The following ATP8A2 variants were observed in gnomAD, a reference collection of about 807,000 sequenced individuals.
ATP8A2 encodes the protein phospholipid-transporting ATPase IB.
Under a neutral mutation model 165.6 loss-of-function variants are expected in ATP8A2, and 100 were observed. The observed-to-expected ratio is 0.60, with a 90% CI of 0.51 to 0.71. ATP8A2 has a LOEUF of 0.71. Among genes scored for constraint, ATP8A2 ranks in the 30% least tolerant of loss-of-function variants. ATP8A2 has a pLI of 0.00. For missense variants in ATP8A2, 1,227 were observed against 1,479.5 expected (o/e 0.83, Z 2.80); for synonymous variants, 543 against 548.8 (o/e 0.99, Z 0.15).
At chr13:25,748,733 TA>T (rs1240229369) in intron 25 of ATP8A2, among the ~76,000 whole-genome samples, 1 of 152,176 alleles carries the variant, frequency 6.6e-6, no homozygotes, top group Non-Finnish European at 1.5e-5. Flanking sequence ...AAATGGAGAG[TA>T]AACAGCGTTG....
chr13:25,439,407 T>C (rs2034869900), intron 1 of ATP8A2, among the ~76,000 whole-genome samples: 1 of 152,218 alleles, frequency 6.6e-6, no homozygotes, highest in Admixed American at 6.5e-5. Context: ...CTCCAGACTC[T>C]ATTAGGGCAT....
intron 1 of ATP8A2, among the ~76,000 whole-genome samples, chr13:25,431,273 C>T (rs147612975): frequency 0.018 from 2,802 of 152,166 alleles, 59 homozygotes; most frequent in South Asian, 0.11. Flanking sequence ...CCCAGCCTCC[C>T]GAGTAGCTGG....
chr13:25,810,551 A>G (rs1320352727), intron 27 of ATP8A2, among the ~76,000 whole-genome samples: 2 of 151,950 alleles, frequency 1.3e-5, no homozygotes, highest in East Asian at 1.9e-4. Flanking sequence ...ACACTACTCT[A>G]TCTCCAAAAC....
At chr13:25,765,148 T>A (rs9553656) in intron 25 of ATP8A2, among the ~76,000 whole-genome samples, 3,089 of 152,324 alleles carry the variant, frequency 0.02, 117 homozygotes, top group East Asian at 0.17. Flanking sequence ...CTGATTTTTG[T>A]AAGTCTCAAA....
At chr13:25,607,302 C>T (rs139450424) in intron 24 of ATP8A2, among the ~76,000 whole-genome samples, 2 of 152,124 alleles carry the variant, frequency 1.3e-5, no homozygotes, top group Admixed American at 6.5e-5. Context: ...AAATCCAGCT[C>T]ACCACTTGTT....
At chr13:25,831,948 A>T (rs9511932) in intron 28 of ATP8A2, among the ~76,000 whole-genome samples, 6 of 150,930 alleles carry the variant, frequency 4.0e-5, no homozygotes, top group Middle Eastern at 3.4e-3. Flanking sequence ...ATTTTTTTTT[A>T]TTTTTTTTGA....
chr13:25,744,889 G>T (rs1199916509), intron 25 of ATP8A2, among the ~76,000 whole-genome samples: 3 of 152,022 alleles, frequency 2.0e-5, no homozygotes. Flanking sequence ...ACATGACTTG[G>T]GGAGTACATA....
At chr13:25,991,881 T>C (rs1457286838) in intron 35 of ATP8A2, among the ~76,000 whole-genome samples, 1 of 151,536 alleles carries the variant, frequency 6.6e-6, no homozygotes, top group Non-Finnish European at 1.5e-5. Flanking sequence ...GCTGGGTTTA[T>C]AGTAGATGCA....
intron 2 of ATP8A2, among the ~76,000 whole-genome samples, chr13:25,514,402 T>C (rs764541458): frequency 6.6e-6 from 1 of 152,190 alleles, no homozygotes; most frequent in Non-Finnish European, 1.5e-5. Context: ...TTTCTACACA[T>C]ATTTGGTAAT....
chr13:26,009,905 A>C (rs1028931325), intron 35 of ATP8A2, among the ~76,000 whole-genome samples: 9 of 152,130 alleles, frequency 5.9e-5, no homozygotes, highest in Admixed American at 5.9e-4. Context: ...ATCGCTACTA[A>C]AAATACAAAA....
intron 24 of ATP8A2, among the ~76,000 whole-genome samples, chr13:25,685,105 C>G (rs965934503): frequency 2.6e-5 from 4 of 152,190 alleles, no homozygotes; most frequent in Non-Finnish European, 4.4e-5. Flanking sequence ...CTGTCGCCCT[C>G]TGGCCTCCTC....
intron 24 of ATP8A2, among the ~76,000 whole-genome samples, chr13:25,590,326 G>A (rs1007787961): frequency 8.5e-5 from 13 of 152,182 alleles, no homozygotes; most frequent in African/African-American, 3.1e-4. Flanking sequence ...TTGGGAGGCT[G>A]AGGCTGGAGA....
intron 1 of ATP8A2, among the ~76,000 whole-genome samples, chr13:25,465,662 G>GTTTTCTTTCTTTCTTTCTTT (rs1566152862): frequency 6.1e-5 from 5 of 82,044 alleles, no homozygotes; most frequent in African/African-American, 1.8e-4. Context: ...ATCTTGCAGA[G>GTTTTCTTTCTTTCTTTCTTT]TTTTCTTTCT....
At chr13:26,012,121 C>T (rs1956861079) in intron 35 of ATP8A2, among the ~76,000 whole-genome samples, 2 of 152,178 alleles carry the variant, frequency 1.3e-5, no homozygotes, top group Non-Finnish European at 1.5e-5. Context: ...CAGAACGAAG[C>T]TGGGCTGTGG....
intron 25 of ATP8A2, among the ~76,000 whole-genome samples, chr13:25,755,150 A>G (rs1451984836): frequency 2.6e-5 from 4 of 152,218 alleles, no homozygotes; most frequent in Non-Finnish European, 4.4e-5. Flanking sequence ...ATTCTTGTGA[A>G]CAGCTGATAC....
At chr13:25,625,305 A>C (rs2041073368) in intron 24 of ATP8A2, among the ~76,000 whole-genome samples, 1 of 152,224 alleles carries the variant, frequency 6.6e-6, no homozygotes, top group Non-Finnish European at 1.5e-5. Flanking sequence ...TGAAAGCATT[A>C]AGCATTTAGA....
intron 18 of ATP8A2, 116 bp from the exon 19 acceptor site, chr13:25,574,692 T>C: frequency 1.4e-6 from 1 of 739,206 alleles, no homozygotes; most frequent in Non-Finnish European, 2.5e-6. Context: ...TGCAAAGGGC[T>C]AGAAGGTGGG....
intron 33 of ATP8A2, among the ~76,000 whole-genome samples, chr13:25,954,160 G>A (rs1405713979): frequency 6.6e-6 from 1 of 152,202 alleles, no homozygotes; most frequent in Non-Finnish European, 1.5e-5. Context: ...GGACACTCGA[G>A]CTTGGTTAGG....
intron 13 of ATP8A2, among the ~76,000 whole-genome samples, chr13:25,556,820 G>A (rs753246110): frequency 6.6e-6 from 1 of 152,116 alleles, no homozygotes; most frequent in Non-Finnish European, 1.5e-5. Flanking sequence ...GGGGACTTCG[G>A]GTTGTCTGTC....
Sources: allele counts gnomAD v4.1 joint callset (sites outside exome capture counted in the v4.1 genomes callset), GRCh38; gene constraint gnomAD v4.1.1; transcripts MANE v1.5; gene names NCBI Gene and HGNC (gene_info 2026-07-23, HGNC 2026-07-21).